Variants in LGR4 observed in about 807,000 individuals in gnomAD.
LGR4 encodes leucine rich repeat containing G protein-coupled receptor 4.
LGR4 carries 44 observed loss-of-function variants against 84.8 expected under a neutral mutation model. The observed-to-expected ratio is 0.52, with a 90% CI of 0.41 to 0.67. LGR4 has a LOEUF of 0.67. LGR4 is among the 30% of genes least tolerant of loss of function. The probability of loss-of-function intolerance (pLI) is 0.00; values close to 1 mark genes in which losing one functional copy is unlikely to be tolerated. For missense variants in LGR4, 1,032 were observed against 1,131.4 expected, an observed-to-expected ratio of 0.91 and a Z score of 1.26; for synonymous variants, 429 against 434.3, an observed-to-expected ratio of 0.99 and a Z score of 0.15.
chr11:27,401,035 T>C (rs886445252), intron 2 of LGR4, among the ~76,000 whole-genome samples: 1 of 152,226 alleles, frequency 6.6e-6, no homozygotes. Context: ...ATAACTCTTA[T>C]GAAAGTATAT....
rs912924236 is a variant in LGR4, at chr11:27,466,975, G to T, written c.185+5143C>A. On this transcript the variant is annotated intron_variant, in intron 1 of 17. Coordinates refer to ENST00000379214, the MANE Select transcript of LGR4 (RefSeq NM_018490.5). ...ATTTTTTTTTATTTTAAGTAGAGAC[G>T]GGGTTTCACCATGTTAGCCAGGCTG... Among the ~76,000 whole-genome samples the T allele has an allele frequency of 2.0e-5, 3 of 151,684 alleles. No individual in the cohort carries two copies. The South Asian group carries it at 6.2e-4, about 32-fold the overall frequency.
chr11:27,372,448 T>TG (rs1565069031), intron 15 of LGR4, 50 bp from the exon 16 acceptor site: 1 of 1,045,954 alleles, frequency 9.6e-7, no homozygotes. Context: ...TCCGCAGTTA[T>TG]GGTTTTGTTT....
At position 27,368,111 on chromosome 11, in the gene LGR4, G is replaced by A; in HGVS notation, c.2612C>T (p.Ser871Leu). ...CESFLLTKPV[S>L]CKHLIKSHSC... ...GTGTGATTTTATCAAGTGTTTGCAT[G>A]ATACTGGCTTTGTTAAAAGAAACGA... Residue 871 changes from serine to leucine, a missense_variant, in exon 18 of 18, where the codon TCA becomes TTA. Ser to Leu is a moderately radical substitution (Grantham distance 145). Transcript: ENST00000379214. 2 of 1,612,150 alleles carry A rather than the reference G, an allele frequency of 1.2e-6. No individual in the cohort carries two copies. Among genetic ancestry groups the A allele is most frequent in the Non-Finnish European group, 1.7e-6 (2 of 1,178,928 alleles).
intron 4 of LGR4, among the ~76,000 whole-genome samples, chr11:27,389,822 T>C (rs1201928402): frequency 6.6e-6 from 1 of 152,176 alleles, no homozygotes; most frequent in African/African-American, 2.4e-5. Context: ...ATAACATTTC[T>C]ATAAGGGAAC....
intron 4 of LGR4, among the ~76,000 whole-genome samples, chr11:27,387,527 AAGAGCCACGTC>A (rs1470089813): frequency 6.6e-6 from 1 of 152,174 alleles, no homozygotes; most frequent in African/African-American, 2.4e-5. Flanking sequence ...AGGCAAAGGA[AAGAGCCACGTC>A]AGAGACCCAG....
rs374393366 is a variant in LGR4, at chr11:27,420,606, T to G, written c.186-7746A>C. ...GTATGTTCATAACAATTATTTAGAT[T>G]TTTATATAAAATATATATTACGTAT... On this transcript the variant is annotated intron_variant, in intron 1 of 17. Coordinates refer to ENST00000379214, the MANE Select transcript of LGR4 (RefSeq NM_018490.5). Among the ~76,000 whole-genome samples, 11 of 152,160 alleles carry G rather than the reference T, an allele frequency of 7.2e-5. No homozygotes were observed. In the East Asian group the frequency reaches 7.7e-4, roughly 11 times the overall value.
intron 17 of LGR4, 25 bp from the exon 18 acceptor site, chr11:27,369,168 G>A (rs1444088458): frequency 1.3e-6 from 2 of 1,516,052 alleles, no homozygotes; most frequent in Non-Finnish European, 1.8e-6. Context: ...CACAGAGAGA[G>A]AGAAATAAAA....
At chr11:27,404,954 C>T (rs1863576396) in intron 2 of LGR4, among the ~76,000 whole-genome samples, 1 of 152,126 alleles carries the variant, frequency 6.6e-6, no homozygotes. Context: ...CACTTCTGGA[C>T]TGTCTAGTTC....
chr11:27,455,711 A>T (rs1406843558), intron 1 of LGR4, among the ~76,000 whole-genome samples: 1 of 152,200 alleles, frequency 6.6e-6, no homozygotes, highest in Non-Finnish European at 1.5e-5. Flanking sequence ...TACCTAAGAC[A>T]TGTACAATGG....
Position 27,367,808 on chromosome 11 carries a change from G to T in LGR4, c.*59C>A. 8.0e-7 allele frequency: 1 copy of T among 1,245,384 alleles called. No homozygotes were observed. The highest frequency in any genetic ancestry group is 1.1e-6 in the Non-Finnish European group (1 of 888,874). The allele number at this position is 1,245,384 out of a possible 1,614,324, so 77.1% of individuals were successfully genotyped here. ...CTTCCCAGATGAAAGATGAGAATAG[G>T]GTTCACTCTATAAACACTGATTTTG... On this transcript the variant is annotated 3_prime_UTR_variant, in exon 18 of 18. Transcript: ENST00000379214.
intron 2 of LGR4, among the ~76,000 whole-genome samples, chr11:27,406,339 G>T (rs908842804): frequency 6.6e-6 from 1 of 152,080 alleles, no homozygotes; most frequent in African/African-American, 2.4e-5. Context: ...ACATTGTCTA[G>T]CAAGTCCTTC....
At chr11:27,374,100 C>T in intron 13 of LGR4, 54 bp from the exon 14 acceptor site, 1 of 1,070,644 alleles carries the variant, frequency 9.3e-7, no homozygotes, top group Non-Finnish European at 1.5e-6. Context: ...CAGAATGCCA[C>T]TTACTTAGAC....
At position 27,385,410 on chromosome 11, in the gene LGR4, G is replaced by T. The variant is rs1403005545; in HGVS notation, c.460C>A (p.Gln154Lys). The T allele has an allele frequency of 2.5e-6, 4 of 1,611,988 alleles. No homozygotes were observed. Among genetic ancestry groups the T allele is most frequent in the Non-Finnish European group, 3.4e-6 (4 of 1,179,364 alleles). The part of the protein sequence containing the change: ...VPEDSFEGLV[Q>K]LRHLWLDDNS... ...TCATCCAGCCACAGATGCCGTAACT[G>T]AACAAGTCCTTCAAAACTGTCCTCG... Residue 154 changes from glutamine to lysine, a missense_variant, in exon 5 of 18, where the codon CAG (glutamine) becomes AAG (lysine). By Grantham distance (53) the Gln-to-Lys change is moderately conservative. Coordinates refer to ENST00000379214, the MANE Select transcript of LGR4 (RefSeq NM_018490.5).
intron 1 of LGR4, among the ~76,000 whole-genome samples, chr11:27,453,198 A>G (rs1377624878): frequency 6.6e-6 from 1 of 151,996 alleles, no homozygotes; most frequent in African/African-American, 2.4e-5. Context: ...CCTCCCGAGT[A>G]GCTGGGATTA....
At position 27,370,666 on chromosome 11, in the gene LGR4, TC is replaced by T. The variant is rs377369928; in HGVS notation, c.1579+948del. On this transcript the variant is annotated intron_variant, in intron 17 of 17. Transcript: ENST00000379214. ...AGACCAGCTTTCCTCCTGGCCAATCTCCAAGTTTACATTTGGGGTGGAAGAA... is the reference window on the plus strand; with the variant it reads ...AGACCAGCTTTCCTCCTGGCCAATCTCAAGTTTACATTTGGGGTGGAAGAA... Among the ~76,000 whole-genome samples the T allele has an allele frequency of 4.0e-3, 605 of 152,244 alleles. 3 individuals carry two copies. Among genetic ancestry groups the T allele is most frequent in the Non-Finnish European group, 6.2e-3 (420 of 67,998 alleles).
rs555986916 is a variant in LGR4, at chr11:27,421,726, G to C, written c.186-8866C>G. 2.0e-4 allele frequency among the ~76,000 whole-genome samples: 31 copies of C among 152,236 alleles called. 1 individual carries two copies. In the South Asian group the frequency reaches 6.2e-3, roughly 31 times the overall value. On this transcript the variant is annotated intron_variant, in intron 1 of 17. Transcript: ENST00000379214. ...AGTTAGACTAATTCAATATTTTCTA[G>C]CTTTAAAACAAGTTCAGCTTCTTTT...
At chr11:27,405,584 C>T (rs1416382104) in intron 2 of LGR4, among the ~76,000 whole-genome samples, 2 of 152,142 alleles carry the variant, frequency 1.3e-5, no homozygotes, top group Non-Finnish European at 2.9e-5. Context: ...ATGTTAAAAA[C>T]AGCATTTAAT....
chr11:27,397,997 C>T (rs1365448748), intron 2 of LGR4, among the ~76,000 whole-genome samples: 3 of 152,182 alleles, frequency 2.0e-5, no homozygotes, highest in Non-Finnish European at 2.9e-5. Context: ...TTCCAGGAAG[C>T]GGCATACAAG....
At chr11:27,470,965 G>A (rs1420946158) in intron 1 of LGR4, among the ~76,000 whole-genome samples, 2 of 152,064 alleles carry the variant, frequency 1.3e-5, no homozygotes, top group Non-Finnish European at 2.9e-5. Flanking sequence ...TTTCTAAGAG[G>A]TCCCTTCCAC....
Sources: allele counts gnomAD v4.1 joint callset (sites outside exome capture counted in the v4.1 genomes callset), GRCh38; gene constraint gnomAD v4.1.1; transcripts MANE v1.5; gene names NCBI Gene and HGNC (gene_info 2026-07-23, HGNC 2026-07-21).